ST3GAL4: variants seen among roughly 807,000 people sequenced by gnomAD.
ST3GAL4 encodes ST3 beta-galactoside alpha-2,3-sialyltransferase 4.
In ST3GAL4, 24 loss-of-function variants were observed where a neutral mutation model predicts 42.6. The ratio of observed to expected loss-of-function variants is 0.56; its 90% CI spans 0.41 to 0.79. ST3GAL4 has a LOEUF of 0.79. Ranked by LOEUF, ST3GAL4 falls within the 30% of genes least tolerant of loss-of-function variation. The pLI, the probability that ST3GAL4 is intolerant of heterozygous loss-of-function variation, is 0.00. For synonymous variants in ST3GAL4, 135 were observed against 163.2 expected, an observed-to-expected ratio of 0.83 and a Z score of 1.32; for missense variants, 311 against 430.8, an observed-to-expected ratio of 0.72 and a Z score of 2.46.
rs539425124 is a variant in ST3GAL4 at position 126,356,897 on chromosome 11, G to A, written c.-61+1055G>A. Among the ~76,000 whole-genome samples, 5 of 152,344 alleles carry A rather than the reference G, an allele frequency of 3.3e-5. No homozygotes were observed. In the South Asian group the frequency reaches 8.3e-4, roughly 25 times the overall value. On this transcript the variant is annotated intron_variant, in intron 1 of 10. Transcript: ENST00000444328. ...GTGTCACTGTCTCCTGAGCTGTGCCGGACCCGTCCTACAGACTCCACCTCC... is the reference window on the plus strand; with the variant it reads ...GTGTCACTGTCTCCTGAGCTGTGCCAGACCCGTCCTACAGACTCCACCTCC...
In ST3GAL4 at chr11:126,406,406, G is replaced by C; in HGVS notation, c.17-67G>C. ...CGGAGGGACTCAGAAGGGGGCAGGT[G>C]GGAAGGTGGACGGGGGTTGTACCTG... On this transcript the variant is annotated intron_variant, in intron 2 of 10. Coordinates refer to ENST00000444328, the MANE Select transcript of ST3GAL4 (RefSeq NM_001254757.2). This position sits in a 1 kb window ranked among gnomAD's most constrained non-coding sequence, Gnocchi z 5.4. The C allele has an allele frequency of 8.7e-6, 14 of 1,611,790 alleles. No individual in the cohort carries two copies. The highest frequency in any genetic ancestry group is 1.2e-5 in the Non-Finnish European group (14 of 1,179,130).
chr11:126,388,886 T>A (rs567012018), intron 1 of ST3GAL4, among the ~76,000 whole-genome samples: 5 of 149,440 alleles, frequency 3.3e-5, no homozygotes, highest in African/African-American at 9.8e-5. Context: ...CAGGCAATTC[T>A]CCAGCCTCAG....
intron 1 of ST3GAL4, among the ~76,000 whole-genome samples, chr11:126,380,302 G>A (rs1223546802): frequency 2.8e-5 from 4 of 140,376 alleles, no homozygotes; most frequent in Middle Eastern, 3.6e-3. Flanking sequence ...TCCAGGTCAC[G>A]TAAGGTGGGA....
At chr11:126,405,178 A>G (rs1273237711) in intron 1 of ST3GAL4, among the ~76,000 whole-genome samples, 1 of 152,210 alleles carries the variant, frequency 6.6e-6, no homozygotes, top group Non-Finnish European at 1.5e-5. Context: ...CATGGCGTGG[A>G]TGGAAGAAAC....
At chr11:126,407,713 C>G (rs1204153183) in intron 6 of ST3GAL4, 79 bp downstream of exon 6, 1 of 1,396,092 alleles carries the variant, frequency 7.2e-7, no homozygotes, top group East Asian at 2.4e-5. Flanking sequence ...CTCCCCACCC[C>G]CCCGCTCTGT....
intron 1 of ST3GAL4, among the ~76,000 whole-genome samples, chr11:126,394,200 GC>G (rs1467330088): frequency 6.8e-6 from 1 of 146,218 alleles, no homozygotes; most frequent in Non-Finnish European, 1.5e-5. Flanking sequence ...GGTACCTTTG[GC>G]TTTAGATCCT....
rs1397424739 is a variant in ST3GAL4, at chr11:126,391,305, A to G, written c.-60-14791A>G. ...TTTTATGGGAGTGCTGATATATTCA[A>G]GTATTTGTTGATTGCATGCATTATG... On this transcript the variant is annotated intron_variant, in intron 1 of 10. Transcript: ENST00000444328. The surrounding 1 kb of genome is among the most constrained non-coding windows in gnomAD (Gnocchi z 5.5). Among the ~76,000 whole-genome samples, 2 of 151,616 alleles carry G rather than the reference A, an allele frequency of 1.3e-5. No individual in the cohort carries two copies. Among genetic ancestry groups the G allele is most frequent in the East Asian group, 1.9e-4 (1 of 5,162 alleles).
chr11:126,407,799 C>A (rs995333663), intron 6 of ST3GAL4, among the ~76,000 whole-genome samples, 165 bp downstream of exon 6: 1 of 149,322 alleles, frequency 6.7e-6, no homozygotes, highest in Non-Finnish European at 1.5e-5. Context: ...GCAGAGTGGG[C>A]AGAGGCTGCT....
Position 126,392,302 on chromosome 11 carries a change from CAG to C in ST3GAL4, c.-60-13791_-60-13790del, listed in dbSNP as rs1203963582. On this transcript the variant is annotated intron_variant, in intron 1 of 10. Coordinates refer to ENST00000444328, the MANE Select transcript of ST3GAL4 (RefSeq NM_001254757.2). The surrounding 1 kb of genome is among the most constrained non-coding windows in gnomAD (Gnocchi z 5.8). ...AGCCTGCAGCTCTCCTGGGACTGCA[CAG>C]AGTTTACTGTCGGACATCAGTTCTG... 2.8e-5 allele frequency: 28 copies of C among 985,682 alleles called. No homozygotes were observed. Among genetic ancestry groups the C allele is most frequent in the Non-Finnish European group, 3.4e-5 (28 of 829,872 alleles). The allele number at this position is 985,682 out of a possible 1,614,324, so 61.1% of individuals were successfully genotyped here. A position where few individuals can be genotyped will look rare whatever the true frequency, so the allele number is the denominator to read the frequency against.
intron 1 of ST3GAL4, among the ~76,000 whole-genome samples, chr11:126,377,767 G>A (rs1262300621): frequency 6.6e-6 from 1 of 152,148 alleles, no homozygotes; most frequent in Non-Finnish European, 1.5e-5. Flanking sequence ...TGAGCCATGC[G>A]CTCGGCCAGC....
rs200415451 is a variant in ST3GAL4, at chr11:126,358,618, CT to C, written c.-61+2779del. Reference sequence around the variant, plus strand: ...CAGGCCCTAGCCAAGTGCTGGTCAGCTTTCTGACTGGAGCCCCTGAGCCCTG... The same window carrying C: ...CAGGCCCTAGCCAAGTGCTGGTCAGCTTCTGACTGGAGCCCCTGAGCCCTG... On this transcript the variant is annotated intron_variant, in intron 1 of 10. Transcript: ENST00000444328. 5.0e-3 allele frequency: 1,463 copies of C among 295,026 alleles called. 23 individuals carry two copies. The highest frequency in any genetic ancestry group is 0.03 in the African/African-American group (1,337 of 45,106). 18.3% of individuals were successfully genotyped at this position (295,026 alleles called of 1,614,324 possible).
intron 1 of ST3GAL4, among the ~76,000 whole-genome samples, chr11:126,389,770 A>T (rs908657895): frequency 8.5e-5 from 13 of 152,084 alleles, no homozygotes; most frequent in Non-Finnish European, 1.6e-4. Flanking sequence ...TTTTTTAAAT[A>T]AAGATGAAAT....
Position 126,386,451 on chromosome 11 carries a change from C to T in ST3GAL4, c.-60-19645C>T, listed in dbSNP as rs1953230593. The stretch of plus-strand genomic sequence containing the variant: ...TCTGGGGAGGCCTTGGGGTCCCCAG[C>T]CTGTGCTGGGACAGGGGTATTATTC... On this transcript the variant is annotated intron_variant, in intron 1 of 10. Transcript: ENST00000444328. The surrounding 1 kb of genome is among the most constrained non-coding windows in gnomAD (Gnocchi z 4.7). Among the ~76,000 whole-genome samples the T allele has an allele frequency of 6.6e-6, 1 of 152,090 alleles. No homozygotes were observed. The highest frequency in any genetic ancestry group is 1.5e-5 in the Non-Finnish European group (1 of 68,012).
chr11:126,407,354 G>T lies in ST3GAL4; in HGVS notation c.280+5G>T. The T allele has an allele frequency of 6.2e-7, 1 of 1,613,850 alleles. No homozygotes were observed. The highest frequency in any genetic ancestry group is 8.5e-7 in the Non-Finnish European group (1 of 1,179,714). ...CCTATGGGACCAAGGGGAGTGGTAA[G>T]TTCCTACCCGGCTCGTGGGAACCAT... is the stretch of plus-strand genomic sequence containing the variant. On this transcript the variant is annotated splice_donor_5th_base_variant and intron_variant, in intron 5 of 10. Coordinates refer to ENST00000444328, the MANE Select transcript of ST3GAL4 (RefSeq NM_001254757.2).
At position 126,411,387 on chromosome 11, in the gene ST3GAL4, C is replaced by G. The variant is rs977383885; in HGVS notation, c.771+1976C>G. 3.3e-5 allele frequency among the ~76,000 whole-genome samples: 5 copies of G among 152,180 alleles called. No homozygotes were observed. The highest frequency in any genetic ancestry group is 1.2e-4 in the African/African-American group (5 of 41,444). On this transcript the variant is annotated intron_variant, in intron 9 of 10. Coordinates refer to ENST00000444328, the MANE Select transcript of ST3GAL4 (RefSeq NM_001254757.2). The surrounding 1 kb of genome is among the most constrained non-coding windows in gnomAD (Gnocchi z 6.3). ...TCCTGACCTTAGGTGATCTACCCGC[C>G]TCGGCCTCCCAAAGTGCTGGGATTA...
chr11:126,394,863 G>A (rs1389548112), intron 1 of ST3GAL4, among the ~76,000 whole-genome samples: 2 of 151,960 alleles, frequency 1.3e-5, no homozygotes. Flanking sequence ...TGTGGAGCCC[G>A]AGGGTGGGAA....
intron 8 of ST3GAL4, 161 bp downstream of exon 8, chr11:126,408,657 G>A (rs1214372352): frequency 8.3e-6 from 7 of 847,590 alleles, no homozygotes; most frequent in East Asian, 2.7e-5. Flanking sequence ...TGCCCTCCAA[G>A]GGTGGTGCTC....
Position 126,393,342 on chromosome 11 carries a change from G to C in ST3GAL4, c.-60-12754G>C, listed in dbSNP as rs1183942389. On this transcript the variant is annotated intron_variant, in intron 1 of 10. Coordinates refer to ENST00000444328, the MANE Select transcript of ST3GAL4 (RefSeq NM_001254757.2). The surrounding 1 kb of genome is among the most constrained non-coding windows in gnomAD (Gnocchi z 5.9). ...GTAGCTGGGTGGCCCGCCCCTTGCAGGCACTGGGGCAGGATATCAGGGGGT... is the reference window on the plus strand; with the variant it reads ...GTAGCTGGGTGGCCCGCCCCTTGCACGCACTGGGGCAGGATATCAGGGGGT... 12 of 152,320 alleles carry C rather than the reference G, an allele frequency of 7.9e-5. No individual in the cohort carries two copies. Among genetic ancestry groups the C allele is most frequent in the Admixed American group, 7.9e-4 (12 of 15,280 alleles). The allele number at this position is 152,320 out of a possible 1,614,324, so 9.4% of individuals were successfully genotyped here. A position where few individuals can be genotyped will look rare whatever the true frequency, so the allele number is the denominator to read the frequency against.
At position 126,393,673 on chromosome 11, in the gene ST3GAL4, G is replaced by C. The variant is rs567951032; in HGVS notation, c.-60-12423G>C. 1.5e-3 allele frequency among the ~76,000 whole-genome samples: 222 copies of C among 152,296 alleles called. No homozygotes were observed. Among genetic ancestry groups the C allele is most frequent in the Admixed American group, 3.8e-3 (58 of 15,298 alleles). ...TGCTTCCAGTAGGCACTTGAGGGTGGACACCACCGTCTTCAGGTCATAGGA... is the reference window on the plus strand; with the variant it reads ...TGCTTCCAGTAGGCACTTGAGGGTGCACACCACCGTCTTCAGGTCATAGGA... On this transcript the variant is annotated intron_variant, in intron 1 of 10. Coordinates refer to ENST00000444328, the MANE Select transcript of ST3GAL4 (RefSeq NM_001254757.2). This position sits in a 1 kb window ranked among gnomAD's most constrained non-coding sequence, Gnocchi z 5.9.
Sources: gnomAD v4.1 joint callset for allele counts (sites outside exome capture counted in the v4.1 genomes callset) on GRCh38, gnomAD v4.1.1 for gene constraint, Gnocchi (gnomAD v3.1) non-coding constraint, MANE v1.5 for transcripts, NCBI Gene and HGNC (gene_info 2026-07-23, HGNC 2026-07-21) for gene names.